Variants in RSRC1 observed in about 807,000 individuals in gnomAD.
The protein encoded by RSRC1 is arginine and serine rich coiled-coil 1.
RSRC1 carries 39 observed loss-of-function variants against 49.1 expected under a neutral mutation model. The observed-to-expected ratio is 0.79, with a 90% CI of 0.61 to 1.04. The LOEUF is 1.04. RSRC1 is among the 50% of genes least tolerant of loss of function. The pLI is 0.00. For missense variants in RSRC1, 388 were observed against 402.4 expected, an observed-to-expected ratio of 0.96 and a Z score of 0.31; for synonymous variants, 143 against 130.8, an observed-to-expected ratio of 1.09 and a Z score of -0.63.
intron 5 of RSRC1, among the ~76,000 whole-genome samples, chr3:158,319,390 C>T (rs187536193): frequency 6.6e-5 from 10 of 152,226 alleles, no homozygotes; most frequent in East Asian, 1.9e-4. Context: ...CCCAGCCATG[C>T]GGAACTGTGA....
At chr3:158,224,207 C>A (rs746689598) in intron 4 of RSRC1, among the ~76,000 whole-genome samples, 1 of 151,780 alleles carries the variant, frequency 6.6e-6, no homozygotes, top group Admixed American at 6.6e-5. Flanking sequence ...TTCTTCATCA[C>A]CTTTATCTGT....
At chr3:158,300,726 T>C (rs1727496271) in intron 5 of RSRC1, among the ~76,000 whole-genome samples, 1 of 152,188 alleles carries the variant, frequency 6.6e-6, no homozygotes, top group African/African-American at 2.4e-5. Flanking sequence ...ATCTCTTCTT[T>C]GTGTAGCTTT....
chr3:158,121,508 CCT>C (rs1491352319), intron 1 of RSRC1, among the ~76,000 whole-genome samples: 1 of 152,008 alleles, frequency 6.6e-6, no homozygotes, highest in Non-Finnish European at 1.5e-5. Context: ...TATTGTCTCC[CCT>C]GAGTTTCACA....
At chr3:158,268,255 T>C (rs1306769885) in intron 4 of RSRC1, among the ~76,000 whole-genome samples, 1 of 152,200 alleles carries the variant, frequency 6.6e-6, no homozygotes, top group African/African-American at 2.4e-5. Flanking sequence ...ACATATTTGG[T>C]TAATACACTT....
chr3:158,460,552 C>G (rs1272084340), intron 6 of RSRC1, among the ~76,000 whole-genome samples: 1 of 151,896 alleles, frequency 6.6e-6, no homozygotes, highest in Non-Finnish European at 1.5e-5. Context: ...AAGCTTCTTA[C>G]ATTTAAAGTG....
chr3:158,289,920 T>TA (rs1370440686), intron 4 of RSRC1, among the ~76,000 whole-genome samples: 3 of 129,464 alleles, frequency 2.3e-5, no homozygotes, highest in African/African-American at 1.0e-4. Context: ...TCTTTCTATC[T>TA]TTCTATCCAT....
intron 1 of RSRC1, among the ~76,000 whole-genome samples, chr3:158,121,813 A>C (rs1183543654): frequency 3.9e-5 from 6 of 152,182 alleles, no homozygotes; most frequent in Non-Finnish European, 5.9e-5. Flanking sequence ...ACTTTGAATA[A>C]GACTTTTAAA....
At chr3:158,345,409 A>G (rs1309845332) in intron 5 of RSRC1, among the ~76,000 whole-genome samples, 1 of 152,218 alleles carries the variant, frequency 6.6e-6, no homozygotes. Flanking sequence ...CTTTAAGTAT[A>G]TAAAGACATT....
chr3:158,358,873 T>C (rs1731309605), intron 6 of RSRC1, among the ~76,000 whole-genome samples: 6 of 151,662 alleles, frequency 4.0e-5, no homozygotes, highest in Admixed American at 4.0e-4. Flanking sequence ...GTGTCTGGCT[T>C]CCTTCATTTA....
intron 3 of RSRC1, among the ~76,000 whole-genome samples, chr3:158,143,334 G>A (rs1460190518): frequency 6.6e-6 from 1 of 152,170 alleles, no homozygotes; most frequent in Non-Finnish European, 1.5e-5. Context: ...TTAAAGAAAA[G>A]ATTGAAGGGA....
intron 7 of RSRC1, among the ~76,000 whole-genome samples, chr3:158,525,742 C>T (rs1302968607): frequency 1.3e-5 from 2 of 151,904 alleles, no homozygotes; most frequent in African/African-American, 4.8e-5. Context: ...ATGTACCCAA[C>T]AACATGGATT....
chr3:158,532,816 A>C (rs1214906263), intron 7 of RSRC1, among the ~76,000 whole-genome samples: 1 of 151,808 alleles, frequency 6.6e-6, no homozygotes, highest in Non-Finnish European at 1.5e-5. Flanking sequence ...AAATGTTTTA[A>C]AACATCCCAT....
At chr3:158,128,344 G>GC (rs1410563075) in intron 3 of RSRC1, among the ~76,000 whole-genome samples, 1 of 152,144 alleles carries the variant, frequency 6.6e-6, no homozygotes, top group African/African-American at 2.4e-5. Flanking sequence ...TTGGCTTTGC[G>GC]CTTGCCCGGA....
At chr3:158,315,792 T>C (rs953126040) in intron 5 of RSRC1, among the ~76,000 whole-genome samples, 1 of 152,190 alleles carries the variant, frequency 6.6e-6, no homozygotes, top group African/African-American at 2.4e-5. Context: ...ATTATCACTT[T>C]AATTTTGAAA....
At chr3:158,248,063 T>C (rs1331221201) in intron 4 of RSRC1, among the ~76,000 whole-genome samples, 1 of 152,196 alleles carries the variant, frequency 6.6e-6, no homozygotes, top group East Asian at 1.9e-4. Flanking sequence ...TTCATTCCTC[T>C]TCGAGAGTGC....
At chr3:158,408,678 C>G (rs1475144271) in intron 6 of RSRC1, among the ~76,000 whole-genome samples, 1 of 152,078 alleles carries the variant, frequency 6.6e-6, no homozygotes, top group Non-Finnish European at 1.5e-5. Flanking sequence ...AGCTGGAGAC[C>G]ATTATCCTTA....
intron 6 of RSRC1, among the ~76,000 whole-genome samples, chr3:158,437,133 T>C (rs960638634): frequency 2.6e-5 from 4 of 151,852 alleles, no homozygotes. Context: ...AAAAAACCTT[T>C]GGATGGGGAT....
intron 3 of RSRC1, among the ~76,000 whole-genome samples, chr3:158,177,489 G>A (rs1188624177): frequency 6.6e-6 from 1 of 152,152 alleles, no homozygotes; most frequent in African/African-American, 2.4e-5. Context: ...CATGTCCTTT[G>A]CAGGGACATG....
chr3:158,204,274 A>G (rs185429283), intron 4 of RSRC1, among the ~76,000 whole-genome samples: 9 of 152,258 alleles, frequency 5.9e-5, no homozygotes, highest in African/African-American at 1.9e-4. Flanking sequence ...TAGTGATGTT[A>G]TATAAATCTG....
Sources: gnomAD v4.1 joint callset for allele counts (sites outside exome capture counted in the v4.1 genomes callset) on GRCh38, gnomAD v4.1.1 for gene constraint, MANE v1.5 for transcripts, NCBI Gene and HGNC (gene_info 2026-07-23, HGNC 2026-07-21) for gene names.